PARVA: variants seen among roughly 807,000 people sequenced by gnomAD.
The protein encoded by PARVA is parvin alpha.
A neutral mutation model predicts 52.6 loss-of-function variants in PARVA; 25 were observed. The observed-to-expected ratio is 0.48, with a 90% CI of 0.35 to 0.66. The LOEUF (loss-of-function observed/expected upper bound fraction) is 0.66. Ranked by LOEUF, PARVA falls within the 30% of genes least tolerant of loss-of-function variation. The pLI is 0.01. For missense variants in PARVA, 373 were observed against 450.9 expected (o/e 0.83, Z 1.56); for synonymous variants, 185 against 179.1 (o/e 1.03, Z -0.26).
chr11:12,508,716 G>A, intron 7 of PARVA, 74 bp downstream of exon 7: 1 of 1,168,014 alleles, frequency 8.6e-7, no homozygotes, highest in Non-Finnish European at 1.3e-6. Flanking sequence ...TCCATTTGCT[G>A]ATATTTAGTT....
At chr11:12,377,336 C>A (rs1939405330), upstream of PARVA, 1 of 1,056,518 alleles carries the variant, frequency 9.5e-7, no homozygotes. Context: ...CCGGCTCGAC[C>A]GCTCCCAACC....
At chr11:12,495,477 T>C (rs1199783083) in intron 4 of PARVA, among the ~76,000 whole-genome samples, 1 of 152,246 alleles carries the variant, frequency 6.6e-6, no homozygotes, top group African/African-American at 2.4e-5. Context: ...TGCAGTTCTG[T>C]CAATCTTAAA....
intron 1 of PARVA, among the ~76,000 whole-genome samples, chr11:12,390,309 GGA>G (rs1191538718): frequency 3.9e-5 from 6 of 152,222 alleles, no homozygotes; most frequent in Non-Finnish European, 8.8e-5. Flanking sequence ...GGATGGGGAA[GGA>G]GAGAGGAATT....
intron 1 of PARVA, among the ~76,000 whole-genome samples, chr11:12,397,070 A>G (rs1046294098): frequency 6.6e-6 from 1 of 151,672 alleles, no homozygotes; most frequent in Non-Finnish European, 1.5e-5. Context: ...TGTCCTGGGT[A>G]TGTTTCACAT....
intron 1 of PARVA, among the ~76,000 whole-genome samples, chr11:12,458,175 G>A (rs954654138): frequency 3.3e-5 from 5 of 152,176 alleles, no homozygotes; most frequent in African/African-American, 7.2e-5. Flanking sequence ...TTAACATGAC[G>A]CACAAGCTCC....
chr11:12,457,571 C>T (rs1455155406), intron 1 of PARVA, among the ~76,000 whole-genome samples: 1 of 152,170 alleles, frequency 6.6e-6, no homozygotes, highest in Non-Finnish European at 1.5e-5. Flanking sequence ...TCTTAAAGCC[C>T]AGACCCTCTG....
intron 8 of PARVA, 123 bp from the exon 9 acceptor site, chr11:12,513,176 C>T (rs1443113418): frequency 4.9e-6 from 4 of 810,806 alleles, no homozygotes; most frequent in Non-Finnish European, 8.9e-6. Flanking sequence ...GTCTATACCC[C>T]AGAGGCTTCC....
intron 1 of PARVA, among the ~76,000 whole-genome samples, chr11:12,465,128 G>C (rs1405037255): frequency 3.3e-5 from 5 of 152,118 alleles, no homozygotes; most frequent in Non-Finnish European, 7.4e-5. Flanking sequence ...ACAGGCCATG[G>C]ACCAGTACTG....
intron 1 of PARVA, among the ~76,000 whole-genome samples, chr11:12,418,602 G>A (rs753350205): frequency 6.6e-6 from 1 of 152,136 alleles, no homozygotes; most frequent in Non-Finnish European, 1.5e-5. Context: ...CGTGATGACT[G>A]CTTGATTCTC....
chr11:12,427,848 G>A (rs10765948), intron 1 of PARVA, among the ~76,000 whole-genome samples: 80,569 of 152,096 alleles, frequency 0.53, 23,232 homozygotes, highest in South Asian at 0.75. Flanking sequence ...TTCTCAAACT[G>A]AGAGATGAGG....
At chr11:12,407,807 G>A (rs1301814018) in intron 1 of PARVA, among the ~76,000 whole-genome samples, 1 of 152,294 alleles carries the variant, frequency 6.6e-6, no homozygotes, top group African/African-American at 2.4e-5. Context: ...GTGGCTTTGA[G>A]GTGCAGAAGT....
Position 12,504,297 on chromosome 11 carries a change from A to C in PARVA, c.542-17A>C. 2.1e-6 allele frequency: 3 copies of C among 1,445,464 alleles called. No individual in the cohort carries two copies. Among genetic ancestry groups the C allele is most frequent in the Non-Finnish European group, 2.9e-6 (3 of 1,027,952 alleles). 89.5% of individuals were successfully genotyped at this position (1,445,464 alleles called of 1,614,324 possible). A position where few individuals can be genotyped will look rare whatever the true frequency, so the allele number is the denominator to read the frequency against. On this transcript the variant is annotated splice_polypyrimidine_tract_variant and intron_variant, in intron 5 of 12. Coordinates refer to ENST00000334956, the MANE Select transcript of PARVA (RefSeq NM_018222.5). ...TGGAAGAAGATGCTGTAATTTTTCA[A>C]TCTTCTTTCATTTCAGCTGTTCATG...
intron 1 of PARVA, among the ~76,000 whole-genome samples, chr11:12,426,592 G>A (rs956278896): frequency 3.3e-5 from 5 of 152,306 alleles, no homozygotes; most frequent in East Asian, 1.9e-4. Flanking sequence ...TCCAGATGAC[G>A]TATGTGCTTT....
At chr11:12,465,855 A>G (rs1564853932) in intron 1 of PARVA, among the ~76,000 whole-genome samples, 1 of 152,220 alleles carries the variant, frequency 6.6e-6, no homozygotes, top group Non-Finnish European at 1.5e-5. Flanking sequence ...CATGTTTTCA[A>G]ATCAGTTGGG....
chr11:12,414,966 A>G (rs1248584815), intron 1 of PARVA, among the ~76,000 whole-genome samples: 2 of 152,154 alleles, frequency 1.3e-5, no homozygotes, highest in African/African-American at 4.8e-5. Flanking sequence ...CACAGTCTCA[A>G]GGGCAGTGTT....
intron 1 of PARVA, among the ~76,000 whole-genome samples, chr11:12,426,378 C>G (rs1030297639): frequency 6.6e-6 from 1 of 152,070 alleles, no homozygotes; most frequent in Admixed American, 6.6e-5. Flanking sequence ...CAGTGTGTGG[C>G]TGGAGCATGG....
At chr11:12,413,133 G>A (rs1163069774) in intron 1 of PARVA, among the ~76,000 whole-genome samples, 1 of 152,218 alleles carries the variant, frequency 6.6e-6, no homozygotes, top group African/African-American at 2.4e-5. Flanking sequence ...GGGCATACAA[G>A]GGGAATTAGG....
intron 1 of PARVA, among the ~76,000 whole-genome samples, chr11:12,466,878 G>A (rs552162035): frequency 4.6e-5 from 7 of 152,076 alleles, no homozygotes; most frequent in South Asian, 4.2e-4. Flanking sequence ...TAGGTCTCTC[G>A]CCTTTTTGTG....
In PARVA at chr11:12,530,645, CACAA is replaced by C. The variant is rs1207064685; in HGVS notation, c.*2724_*2727del. 6.6e-6 allele frequency: 1 copy of C among 152,160 alleles called. No individual in the cohort carries two copies. The highest frequency in any genetic ancestry group is 1.5e-5 in the Non-Finnish European group (1 of 68,026). 9.4% of individuals were successfully genotyped at this position (152,160 alleles called of 1,614,324 possible). On this transcript the variant is annotated 3_prime_UTR_variant, in exon 13 of 13. Transcript: ENST00000334956. Reference sequence around the variant, plus strand: ...CCAGAGATACTCTAGGCATGTAAAGCACAAACATACATATAAAATCTGCGGGCTT... The same window carrying C: ...CCAGAGATACTCTAGGCATGTAAAGCACATACATATAAAATCTGCGGGCTT...
Sources: allele counts gnomAD v4.1 joint callset (sites outside exome capture counted in the v4.1 genomes callset), GRCh38; gene constraint gnomAD v4.1.1; transcripts MANE v1.5; gene names NCBI Gene and HGNC (gene_info 2026-07-23, HGNC 2026-07-21).